ULK4: variants seen among roughly 807,000 people sequenced by gnomAD.
ULK4 encodes the protein inactive serine/threonine-protein kinase ULK4.
ULK4 carries 133 observed loss-of-function variants against 160.6 expected under a neutral mutation model. That is an observed-to-expected ratio of 0.83 (90% CI 0.72 to 0.96). The LOEUF (loss-of-function observed/expected upper bound fraction) is 0.96, where lower values mean the gene tolerates loss of function less well. Among genes scored for constraint, ULK4 ranks in the 40% least tolerant of loss-of-function variants. The pLI, the probability that ULK4 is intolerant of heterozygous loss-of-function variation, is 0.00. For synonymous variants in ULK4, 534 were observed against 539.8 expected (o/e 0.99, Z 0.15); for missense variants, 1,580 against 1,499.5 (o/e 1.05, Z -0.89).
chr3:41,622,298 C>T lies in ULK4; in HGVS notation c.3072-6581G>A, dbSNP rs185921144. On this transcript the variant is annotated intron_variant, in intron 30 of 36. Coordinates refer to ENST00000301831, the MANE Select transcript of ULK4 (RefSeq NM_017886.4). ...TCATTCTGCTATAAAGACACATGCA[C>T]ATATATGTTTACTGCAGCACTATTT... Among the ~76,000 whole-genome samples, 507 of 152,210 alleles carry T rather than the reference C, an allele frequency of 3.3e-3. 2 individuals carry two copies. Among genetic ancestry groups the T allele is most frequent in the African/African-American group, 0.012 (486 of 41,528 alleles).
intron 32 of ULK4, among the ~76,000 whole-genome samples, chr3:41,529,474 A>C (rs1212394652): frequency 2.0e-5 from 3 of 152,180 alleles, no homozygotes; most frequent in Non-Finnish European, 2.9e-5. Flanking sequence ...CTGAACATAT[A>C]AGAGCTTCTT....
intron 22 of ULK4, among the ~76,000 whole-genome samples, chr3:41,724,867 T>G (rs1264479886): frequency 1.3e-5 from 2 of 152,342 alleles, no homozygotes; most frequent in East Asian, 3.9e-4. Context: ...ACTAATTAGG[T>G]TAAGCATCTT....
intron 35 of ULK4, among the ~76,000 whole-genome samples, chr3:41,387,831 C>T (rs756506034): frequency 6.6e-6 from 1 of 152,166 alleles, no homozygotes; most frequent in Admixed American, 6.5e-5. Flanking sequence ...CCTCAGTAAA[C>T]GTACGTGTGC....
At chr3:41,397,058 T>A (rs2082077144) in intron 35 of ULK4, among the ~76,000 whole-genome samples, 1 of 152,058 alleles carries the variant, frequency 6.6e-6, no homozygotes, top group Non-Finnish European at 1.5e-5. Flanking sequence ...AGCCTCCACC[T>A]GCCAAAGGAT....
intron 31 of ULK4, among the ~76,000 whole-genome samples, chr3:41,602,816 G>C (rs2032182408): frequency 6.6e-6 from 1 of 151,634 alleles, no homozygotes; most frequent in African/African-American, 2.4e-5. Context: ...GATACAGAGA[G>C]GACAGTAACC....
chr3:41,890,201 C>T (rs1300626931), intron 16 of ULK4, among the ~76,000 whole-genome samples: 2 of 152,078 alleles, frequency 1.3e-5, no homozygotes, highest in Admixed American at 1.3e-4. Context: ...GAACTGTACA[C>T]ATTAAAATGG....
intron 30 of ULK4, among the ~76,000 whole-genome samples, chr3:41,653,956 A>G (rs9868585): frequency 0.046 from 7,065 of 152,332 alleles, 421 homozygotes; most frequent in African/African-American, 0.13. Flanking sequence ...AATGTATGCA[A>G]TAAACCTAAG....
chr3:41,770,290 T>C (rs1167360139), intron 21 of ULK4, among the ~76,000 whole-genome samples: 1 of 152,180 alleles, frequency 6.6e-6, no homozygotes, highest in African/African-American at 2.4e-5. Flanking sequence ...TTCAGGCTTA[T>C]TATTAATCAC....
intron 17 of ULK4, among the ~76,000 whole-genome samples, chr3:41,874,190 A>G (rs1372661323): frequency 6.6e-6 from 1 of 152,194 alleles, no homozygotes; most frequent in Non-Finnish European, 1.5e-5. Context: ...ATGAAAAGCA[A>G]TACTACTCAA....
At chr3:41,561,673 TG>T (rs2087575691) in intron 32 of ULK4, among the ~76,000 whole-genome samples, 1 of 152,246 alleles carries the variant, frequency 6.6e-6, no homozygotes. Flanking sequence ...TATTCTCTGA[TG>T]GTAGTTTGTA....
chr3:41,891,526 G>A (rs1309445852), intron 16 of ULK4, among the ~76,000 whole-genome samples: 5 of 149,880 alleles, frequency 3.3e-5, no homozygotes, highest in Admixed American at 1.3e-4. Context: ...AAGTCCTACA[G>A]AACTACAGTT....
At chr3:41,407,673 T>C (rs971496041) in intron 34 of ULK4, among the ~76,000 whole-genome samples, 5 of 152,176 alleles carry the variant, frequency 3.3e-5, no homozygotes, top group Admixed American at 3.3e-4. Flanking sequence ...CAAAACTAAC[T>C]ATTAAAAACA....
At chr3:41,794,635 TG>T (rs2040240028) in intron 20 of ULK4, among the ~76,000 whole-genome samples, 1 of 95,906 alleles carries the variant, frequency 1.0e-5, no homozygotes, top group East Asian at 3.5e-4. Context: ...CACTCCAGCC[TG>T]GGTGACAGAG....
intron 17 of ULK4, among the ~76,000 whole-genome samples, chr3:41,881,376 T>G (rs1462239791): frequency 6.6e-6 from 1 of 151,320 alleles, no homozygotes; most frequent in Admixed American, 6.6e-5. Context: ...TTTTGGAAAC[T>G]GAAACATAAA....
intron 35 of ULK4, among the ~76,000 whole-genome samples, chr3:41,268,255 C>A (rs191953689): frequency 1.5e-4 from 23 of 152,286 alleles, no homozygotes; most frequent in African/African-American, 5.1e-4. Flanking sequence ...CGCTGTGTTG[C>A]CTTCTCATGT....
At chr3:41,444,665 C>A (rs543037889) in intron 34 of ULK4, among the ~76,000 whole-genome samples, 13 of 151,994 alleles carry the variant, frequency 8.6e-5, no homozygotes, top group Admixed American at 2.6e-4. Flanking sequence ...TATTCTTATC[C>A]TACATTTAAA....
At chr3:41,629,706 T>C (rs1036810712) in intron 30 of ULK4, among the ~76,000 whole-genome samples, 10 of 152,154 alleles carry the variant, frequency 6.6e-5, no homozygotes, top group Non-Finnish European at 8.8e-5. Flanking sequence ...AACTGCTTCT[T>C]TGGCCGGGCA....
At chr3:41,459,687 G>A (rs116838544) in intron 33 of ULK4, among the ~76,000 whole-genome samples, 100 of 152,286 alleles carry the variant, frequency 6.6e-4, no homozygotes, top group African/African-American at 2.2e-3. Flanking sequence ...TGGTGGGGAC[G>A]GGGTCTACTA....
chr3:41,356,485 C>G (rs975594691), intron 35 of ULK4, among the ~76,000 whole-genome samples: 1 of 152,178 alleles, frequency 6.6e-6, no homozygotes, highest in Non-Finnish European at 1.5e-5. Flanking sequence ...GAACCATATC[C>G]TTACTACTTA....
Sources: gnomAD v4.1 joint callset for allele counts (sites outside exome capture counted in the v4.1 genomes callset) on GRCh38, gnomAD v4.1.1 for gene constraint, MANE v1.5 for transcripts, NCBI Gene and HGNC (gene_info 2026-07-23, HGNC 2026-07-21) for gene names.